TEX11: variants seen among roughly 807,000 people sequenced by gnomAD.
The protein encoded by TEX11 is testis expressed 11.
Under a neutral mutation model 84.4 loss-of-function variants are expected in TEX11, and 7 were observed. The ratio of observed to expected loss-of-function variants is 0.08; its 90% CI spans 0.05 to 0.16. The LOEUF is 0.16. Among genes scored for constraint, TEX11 ranks in the 10% least tolerant of loss-of-function variants. The pLI, the probability that TEX11 is intolerant of heterozygous loss-of-function variation, is 1.00. For synonymous variants in TEX11, 264 were observed against 222.8 expected, an observed-to-expected ratio of 1.18 and a Z score of -1.64; for missense variants, 551 against 660.5, an observed-to-expected ratio of 0.83 and a Z score of 1.82.
intron 20 of TEX11, among the ~76,000 whole-genome samples, chrX:70,614,485 A>G (rs962851387): frequency 8.9e-6 from 1 of 112,058 alleles, no homozygotes; most frequent in Admixed American, 9.4e-5. Flanking sequence ...CAGCTCAGCC[A>G]CAGTAGAAGA....
intron 12 of TEX11, chrX:70,724,163 T>C: frequency 2.7e-6 from 2 of 753,074 alleles, no homozygotes; most frequent in Non-Finnish European, 3.1e-6. Context: ...GGTCTTCCTA[T>C]GTTGTCTTAG....
intron 16 of TEX11, among the ~76,000 whole-genome samples, chrX:70,661,015 TGGACAGTGGGTGCA>T (rs1451966542): frequency 2.7e-5 from 3 of 112,203 alleles, no homozygotes; most frequent in Non-Finnish European, 3.8e-5. Flanking sequence ...TGAGGATTGT[TGGACAGTGGGTGCA>T]GGACAGTGGG....
chrX:70,831,923 A>G (rs2091379068), intron 8 of TEX11, among the ~76,000 whole-genome samples: 1 of 111,135 alleles, frequency 9.0e-6, no homozygotes, highest in Admixed American at 9.7e-5. Flanking sequence ...AGCTAGAAAA[A>G]TGGAGGAAAA....
intron 28 of TEX11, among the ~76,000 whole-genome samples, chrX:70,540,521 G>A (rs1248487837): frequency 3.6e-5 from 4 of 110,911 alleles, no homozygotes; most frequent in Admixed American, 9.6e-5. Context: ...ATAATTAAAT[G>A]ACATGTTTGT....
intron 14 of TEX11, among the ~76,000 whole-genome samples, chrX:70,679,090 C>G (rs1247920966): frequency 1.8e-5 from 2 of 112,647 alleles, no homozygotes; most frequent in African/African-American, 3.2e-5. Context: ...AGGCGCGCGC[C>G]GCCACGCCTG....
At chrX:70,896,441 C>T (rs749315131) in intron 2 of TEX11, among the ~76,000 whole-genome samples, 2 of 111,620 alleles carry the variant, frequency 1.8e-5, no homozygotes, top group Non-Finnish European at 3.8e-5. Flanking sequence ...TTAGTTCAAC[C>T]ATTGTGGAAG....
At chrX:70,593,865 C>T (rs2088968064) in intron 24 of TEX11, among the ~76,000 whole-genome samples, 1 of 111,007 alleles carries the variant, frequency 9.0e-6, no homozygotes, top group Admixed American at 9.6e-5. Flanking sequence ...AAAAAATAAA[C>T]CAAGCCTCAG....
At chrX:70,514,163 G>A in the TEX11 span, among the ~76,000 whole-genome samples, 1 of 109,476 alleles carries the variant, frequency 9.1e-6, no homozygotes, top group Non-Finnish European at 1.9e-5. Flanking sequence ...TAAGATTTGG[G>A]GGAATGAAAC....
chrX:70,857,589 A>T (rs1460243166), intron 5 of TEX11: 1 of 272,885 alleles, frequency 3.7e-6, no homozygotes, highest in Non-Finnish European at 6.9e-6. Context: ...ATATCTCAAA[A>T]TGGTTCAAGT....
At chrX:70,864,635 G>A (rs1248056291) in intron 4 of TEX11, among the ~76,000 whole-genome samples, 1 of 106,552 alleles carries the variant, frequency 9.4e-6, no homozygotes, top group Non-Finnish European at 1.9e-5. Context: ...TCAGCTACTC[G>A]GGAGGCTGAG....
At chrX:70,765,829 A>G (rs145329243) in intron 9 of TEX11, among the ~76,000 whole-genome samples, 2,796 of 112,028 alleles carry the variant, frequency 0.025, 43 homozygotes, top group Non-Finnish European at 0.04. Context: ...ACTTTGGAAA[A>G]AAAGAAGTCA....
At position 70,536,097 on chromosome X, in the gene TEX11, C is replaced by T. The variant is rs2087954219; in HGVS notation, c.2521-6098G>A. Among the ~76,000 whole-genome samples, 3 of 110,613 alleles carry T rather than the reference C, an allele frequency of 2.7e-5. No homozygotes were observed. The Admixed American group carries it at 2.9e-4, about 11-fold the overall frequency. The stretch of plus-strand genomic sequence containing the variant: ...TAATCTATCTGGATTTTCTTTATTT[C>T]TTCCTTTTGGACTTTATTTTTGTGC... On this transcript the variant is annotated intron_variant, in intron 28 of 29. Coordinates refer to ENST00000374333, the MANE Select transcript of TEX11 (RefSeq NM_031276.3).
At chrX:70,607,502 TG>T (rs2089208463) in intron 22 of TEX11, among the ~76,000 whole-genome samples, 1 of 110,071 alleles carries the variant, frequency 9.1e-6, no homozygotes, top group African/African-American at 3.3e-5. Context: ...CCCAGAAGAC[TG>T]ACACCAGGAA....
intron 13 of TEX11, among the ~76,000 whole-genome samples, chrX:70,710,340 T>C (rs893513173): frequency 1.1e-4 from 12 of 111,540 alleles, no homozygotes; most frequent in Non-Finnish European, 1.9e-4. Flanking sequence ...TTTAAATAGA[T>C]ACAAAATTCT....
At chrX:70,865,473 TAGAC>T (rs2147862406) in intron 4 of TEX11, among the ~76,000 whole-genome samples, 1 of 111,421 alleles carries the variant, frequency 9.0e-6, no homozygotes, top group Admixed American at 9.6e-5. Context: ...CTGTCAATAT[TAGAC>T]AGATCAACGA....
chrX:70,754,207 G>C, intron 9 of TEX11, among the ~76,000 whole-genome samples: 1 of 109,559 alleles, frequency 9.1e-6, no homozygotes, highest in Admixed American at 9.7e-5. Context: ...GAAGGGAGCC[G>C]GGTGCTGTGA....
intron 8 of TEX11, among the ~76,000 whole-genome samples, chrX:70,826,392 C>A (rs1033073505): frequency 2.7e-5 from 3 of 111,181 alleles, no homozygotes; most frequent in African/African-American, 9.8e-5. Flanking sequence ...TCCACTGGAA[C>A]ACCAAATTTT....
At chrX:70,679,166 C>A (rs1190924037) in intron 14 of TEX11, among the ~76,000 whole-genome samples, 1 of 112,880 alleles carries the variant, frequency 8.9e-6, no homozygotes, top group Non-Finnish European at 1.9e-5. Flanking sequence ...GTCTCCAGCT[C>A]CTAACCGCGA....
At chrX:70,745,434 T>TAA (rs201028378) in intron 9 of TEX11, among the ~76,000 whole-genome samples, 3 of 101,253 alleles carry the variant, frequency 3.0e-5, no homozygotes, top group African/African-American at 7.2e-5. Flanking sequence ...AAATATTCCT[T>TAA]AAAAAAAAAA....
Sources: gnomAD v4.1 joint callset for allele counts (sites outside exome capture counted in the v4.1 genomes callset) on GRCh38, gnomAD v4.1.1 for gene constraint, MANE v1.5 for transcripts, NCBI Gene and HGNC (gene_info 2026-07-23, HGNC 2026-07-21) for gene names.